The following MEGF6 variants were observed in gnomAD, a reference collection of about 807,000 sequenced individuals.
The protein encoded by MEGF6 is multiple EGF like domains 6.
In MEGF6, 184 loss-of-function variants were observed where a neutral mutation model predicts 207.1. The ratio of observed to expected loss-of-function variants is 0.89; its 90% CI spans 0.79 to 1.00. MEGF6 has a LOEUF of 1.00. Among genes scored for constraint, MEGF6 ranks in the 50% least tolerant of loss-of-function variants. The probability of loss-of-function intolerance (pLI) is 0.00; values close to 1 mark genes in which losing one functional copy is unlikely to be tolerated. For missense variants in MEGF6, 2,282 were observed against 2,202.9 expected, an observed-to-expected ratio of 1.04 and a Z score of -0.72; for synonymous variants, 1,038 against 910.0, an observed-to-expected ratio of 1.14 and a Z score of -2.53.
chr1:3,607,884 A>G (rs969268175), intron 1 of MEGF6, among the ~76,000 whole-genome samples: 1 of 152,192 alleles, frequency 6.6e-6, no homozygotes, highest in African/African-American at 2.4e-5. Context: ...GGGTCCCTCC[A>G]GGGCAGGCAG....
At chr1:3,576,791 G>A (rs1185869394) in intron 4 of MEGF6, among the ~76,000 whole-genome samples, 1 of 148,212 alleles carries the variant, frequency 6.7e-6, no homozygotes, top group Non-Finnish European at 1.5e-5. Context: ...ACCTGGCCCT[G>A]CACACTCCAC....
rs1245451742 is a variant in MEGF6, at chr1:3,556,727, GAC to G, written c.481+23096_481+23097del. On this transcript the variant is annotated intron_variant, in intron 4 of 36. Transcript: ENST00000356575. This position sits in a 1 kb window ranked among gnomAD's most constrained non-coding sequence, Gnocchi z 4.4. ...GCACGTACGTTATCCTTCAAAACAGGACACTGGAGAGCAGAAGAGGCTCCAGT... is the reference window on the plus strand; with the variant it reads ...GCACGTACGTTATCCTTCAAAACAGGACTGGAGAGCAGAAGAGGCTCCAGT... Among the ~76,000 whole-genome samples the G allele has an allele frequency of 6.6e-6, 1 of 152,162 alleles. No individual in the cohort carries two copies. The highest frequency in any genetic ancestry group is 1.5e-5 in the Non-Finnish European group (1 of 68,038).
chr1:3,511,782 G>A (rs971356400), intron 8 of MEGF6, 95 bp from the exon 9 acceptor site: 17 of 1,527,698 alleles, frequency 1.1e-5, no homozygotes, highest in African/African-American at 1.4e-5. Context: ...AGCCAGCCTC[G>A]GGCCTGGGGA....
chr1:3,550,946 C>T (rs1020824120), intron 4 of MEGF6, among the ~76,000 whole-genome samples: 1 of 152,354 alleles, frequency 6.6e-6, no homozygotes, highest in East Asian at 1.9e-4. Context: ...GTGGACAGGG[C>T]CAGGATCCGA....
At chr1:3,499,474 G>C in intron 23 of MEGF6, 114 bp downstream of exon 23, 1 of 1,476,322 alleles carries the variant, frequency 6.8e-7, no homozygotes, top group East Asian at 2.5e-5. Context: ...ATCACTCTCA[G>C]GGGGGTTGCC....
At chr1:3,591,592 G>A (rs1387597876) in intron 3 of MEGF6, among the ~76,000 whole-genome samples, 1 of 152,238 alleles carries the variant, frequency 6.6e-6, no homozygotes, top group Non-Finnish European at 1.5e-5. Context: ...CCTGGAGCCT[G>A]AGGCCTGATG....
intron 4 of MEGF6, among the ~76,000 whole-genome samples, chr1:3,570,888 G>A (rs1437350930): frequency 6.6e-6 from 1 of 152,102 alleles, no homozygotes; most frequent in Non-Finnish European, 1.5e-5. Flanking sequence ...CCATCCCCCG[G>A]GGCCACCCAG....
Position 3,560,443 on chromosome 1 carries a change from G to A in MEGF6, c.481+19382C>T, listed in dbSNP as rs1643165828. On this transcript the variant is annotated intron_variant, in intron 4 of 36. Coordinates refer to ENST00000356575, the MANE Select transcript of MEGF6 (RefSeq NM_001409.4). The surrounding 1 kb of genome is among the most constrained non-coding windows in gnomAD (Gnocchi z 4.0). ...GGAGTTCCTGCCCTAAAAATCCTCT[G>A]TGCTCCGCCTATTCACCCCTTCCTC... 6.6e-6 allele frequency among the ~76,000 whole-genome samples: 1 copy of A among 152,154 alleles called. No homozygotes were observed. The highest frequency in any genetic ancestry group is 1.5e-5 in the Non-Finnish European group (1 of 68,028).
Position 3,494,089 on chromosome 1 carries a change from C to T in MEGF6, c.4165G>A (p.Gly1389Arg). The change falls in exon 33 of 37, where the codon GGG becomes AGG. Residue 1389 changes from glycine (G) to arginine (R), a missense_variant. Coordinates refer to ENST00000356575, the MANE Select transcript of MEGF6 (RefSeq NM_001409.4). ...GCTCCATGTTGACACCAGCACAACC[C>T]CTGGCAGCCAGCCCCGTGGAAGCCA... is the stretch of plus-strand genomic sequence containing the variant. ...PPGFHGAGCQ[G>R]LCWCQHGAPC... 1.9e-6 allele frequency: 3 copies of T among 1,590,422 alleles called. No homozygotes were observed. The highest frequency in any genetic ancestry group is 2.2e-5 in the East Asian group (1 of 44,538).
upstream of MEGF6, among the ~76,000 whole-genome samples, chr1:3,612,756 G>C (rs566732684): frequency 6.6e-6 from 1 of 152,244 alleles, no homozygotes; most frequent in Admixed American, 6.5e-5. Context: ...GGAGGGGCTT[G>C]GGAAGGGAGC....
At chr1:3,554,502 A>G (rs914601895) in intron 4 of MEGF6, among the ~76,000 whole-genome samples, 1 of 152,174 alleles carries the variant, frequency 6.6e-6, no homozygotes, top group African/African-American at 2.4e-5. Context: ...CTGCTACAGG[A>G]GGCAGCTACA....
At chr1:3,551,086 C>G (rs1432527151) in intron 4 of MEGF6, among the ~76,000 whole-genome samples, 2 of 152,224 alleles carry the variant, frequency 1.3e-5, no homozygotes, top group South Asian at 4.1e-4. Flanking sequence ...CCAGGCAGCT[C>G]CCCGCTAGCG....
chr1:3,566,665 C>A (rs2101670362), intron 4 of MEGF6, among the ~76,000 whole-genome samples: 1 of 152,342 alleles, frequency 6.6e-6, no homozygotes, highest in South Asian at 2.1e-4. Context: ...TATGAGCCCC[C>A]CGGCGCCCCA....
chr1:3,622,546 T>C, the MEGF6 span, among the ~76,000 whole-genome samples: 4 of 152,182 alleles, frequency 2.6e-5, no homozygotes, highest in African/African-American at 9.7e-5. Flanking sequence ...CGACTAAAGA[T>C]GAGGTCACTA....
rs1055002604 is a variant in MEGF6 at position 3,556,499 on chromosome 1, T to C, written c.481+23326A>G. The stretch of plus-strand genomic sequence containing the variant: ...AGCAAGAGACGCCCTGGGCCTCCTC[T>C]CGGCCGCCCACCAGGTTTTCTGCCT... On this transcript the variant is annotated intron_variant, in intron 4 of 36. Transcript: ENST00000356575. This position sits in a 1 kb window ranked among gnomAD's most constrained non-coding sequence, Gnocchi z 4.4. 1.4e-4 allele frequency among the ~76,000 whole-genome samples: 21 copies of C among 152,094 alleles called. No homozygotes were observed. The highest frequency in any genetic ancestry group is 4.3e-4 in the African/African-American group (18 of 41,414).
At chr1:3,518,658 G>A (rs1641631364) in intron 5 of MEGF6, among the ~76,000 whole-genome samples, 1 of 152,262 alleles carries the variant, frequency 6.6e-6, no homozygotes, top group African/African-American at 2.4e-5. Context: ...CAGCTCTACA[G>A]GGTGGTTCTG....
At position 3,512,572 on chromosome 1, in the gene MEGF6, GTGC is replaced by G. The variant is rs1641392531; in HGVS notation, c.854-447_854-445del. 2.0e-5 allele frequency among the ~76,000 whole-genome samples: 3 copies of G among 152,340 alleles called. No homozygotes were observed. The South Asian group carries it at 6.2e-4, about 32-fold the overall frequency. On this transcript the variant is annotated intron_variant, in intron 7 of 36. Transcript: ENST00000356575. ...TGAATCATGGGGGTGGGTCTTTCCTGTGCTGTTCTCATGATAGTGAGTAAGTCT... is the reference window on the plus strand; with the variant it reads ...TGAATCATGGGGGTGGGTCTTTCCTGTGTTCTCATGATAGTGAGTAAGTCT...
chr1:3,607,023 T>C (rs1479724166), intron 1 of MEGF6, among the ~76,000 whole-genome samples: 2 of 151,934 alleles, frequency 1.3e-5, no homozygotes, highest in Non-Finnish European at 2.9e-5. Context: ...CAATTCAGCA[T>C]CTGGAAAGCA....
chr1:3,605,037 C>A (rs1316703083), intron 1 of MEGF6, among the ~76,000 whole-genome samples: 2 of 151,976 alleles, frequency 1.3e-5, no homozygotes, highest in East Asian at 3.9e-4. Context: ...CCTCCCAGCA[C>A]CTGCACACAC....
Sources: gnomAD v4.1 joint callset for allele counts (sites outside exome capture counted in the v4.1 genomes callset) on GRCh38, gnomAD v4.1.1 for gene constraint, Gnocchi (gnomAD v3.1) non-coding constraint, MANE v1.5 for transcripts, NCBI Gene and HGNC (gene_info 2026-07-23, HGNC 2026-07-21) for gene names.